The following DPYD variants were observed in gnomAD, a reference collection of about 807,000 sequenced individuals.
DPYD encodes the protein dihydropyrimidine dehydrogenase.
In DPYD, 109 loss-of-function variants were observed where a neutral mutation model predicts 116.2. The observed-to-expected ratio is 0.94, with a 90% CI of 0.80 to 1.10. DPYD has a LOEUF of 1.10. Ranked by LOEUF, DPYD falls within the 50% of genes least tolerant of loss-of-function variation. The probability of loss-of-function intolerance (pLI) is 0.00; values close to 1 mark genes in which losing one functional copy is unlikely to be tolerated. For missense variants in DPYD, 1,302 were observed against 1,254.5 expected, an observed-to-expected ratio of 1.04 and a Z score of -0.57; for synonymous variants, 440 against 432.0, an observed-to-expected ratio of 1.02 and a Z score of -0.23.
At chr1:97,802,146 C>A (rs937600889) in intron 3 of DPYD, among the ~76,000 whole-genome samples, 2 of 151,888 alleles carry the variant, frequency 1.3e-5, no homozygotes, top group African/African-American at 4.8e-5. Context: ...GTTCAGACTA[C>A]ATATTCAAAA....
intron 16 of DPYD, among the ~76,000 whole-genome samples, chr1:97,372,144 G>C (rs1671343403): frequency 6.6e-6 from 1 of 152,186 alleles, no homozygotes; most frequent in Non-Finnish European, 1.5e-5. Flanking sequence ...TGTGGTAAGA[G>C]AGAAATATTG....
At chr1:97,816,677 A>G (rs1030847794) in intron 3 of DPYD, among the ~76,000 whole-genome samples, 2 of 152,172 alleles carry the variant, frequency 1.3e-5, no homozygotes, top group South Asian at 4.1e-4. Flanking sequence ...ATAAAACATA[A>G]ACATGAATAA....
intron 19 of DPYD, among the ~76,000 whole-genome samples, chr1:97,225,560 GTTT>G (rs59058167): frequency 1.7e-4 from 20 of 115,744 alleles, no homozygotes; most frequent in Non-Finnish European, 2.7e-4. Flanking sequence ...AAATCAGGTT[GTTT>G]TTTTTTTTTT....
chr1:97,890,110 G>A (rs72734079), intron 1 of DPYD, among the ~76,000 whole-genome samples: 154 of 152,006 alleles, frequency 1.0e-3, no homozygotes, highest in Non-Finnish European at 1.9e-3. Flanking sequence ...TCAGGCTGGC[G>A]GATTAGGGAG....
At chr1:97,607,414 AGT>A (rs1655666943) in intron 8 of DPYD, among the ~76,000 whole-genome samples, 1 of 151,870 alleles carries the variant, frequency 6.6e-6, no homozygotes, top group African/African-American at 2.4e-5. Flanking sequence ...CTAAGGGAAG[AGT>A]GTTGTTCCTT....
intron 8 of DPYD, among the ~76,000 whole-genome samples, chr1:97,647,110 C>T (rs192077069): frequency 0.012 from 1,805 of 152,150 alleles, 15 homozygotes; most frequent in Admixed American, 0.018. Context: ...TAAATTACAT[C>T]AGAATATACC....
chr1:97,762,834 A>G (rs1226727294), intron 3 of DPYD, among the ~76,000 whole-genome samples: 2 of 152,130 alleles, frequency 1.3e-5, no homozygotes, highest in Non-Finnish European at 2.9e-5. Context: ...TAGAAATAGC[A>G]GTCTCTTAAA....
At chr1:97,247,702 G>A (rs577520614) in intron 18 of DPYD, among the ~76,000 whole-genome samples, 3 of 151,952 alleles carry the variant, frequency 2.0e-5, no homozygotes, top group Non-Finnish European at 4.4e-5. Flanking sequence ...AAATATAAAA[G>A]GATAATAATA....
At chr1:97,112,165 A>T (rs866231808) in intron 20 of DPYD, among the ~76,000 whole-genome samples, 5 of 152,238 alleles carry the variant, frequency 3.3e-5, no homozygotes, top group African/African-American at 9.6e-5. Context: ...TTTATTTTTT[A>T]AAAATGTGCT....
intron 3 of DPYD, among the ~76,000 whole-genome samples, chr1:97,765,651 T>C (rs1380283803): frequency 6.6e-6 from 1 of 152,210 alleles, no homozygotes; most frequent in Non-Finnish European, 1.5e-5. Flanking sequence ...CCTGCAGGAC[T>C]GTCCACCTCA....
In DPYD at chr1:97,523,411, T is replaced by C. The variant is rs79352052; in HGVS notation, c.1525-7470A>G. ...TACAATAAAATTTCTAAAAATTAAC[T>C]CCATGACAAGTATAGACCATCAGGA... On this transcript the variant is annotated intron_variant, in intron 12 of 22. Transcript: ENST00000370192. Among the ~76,000 whole-genome samples, 255 of 152,266 alleles carry C rather than the reference T, an allele frequency of 1.7e-3. 6 individuals are homozygous for C. The East Asian group carries it at 0.039, about 23-fold the overall frequency.
intron 18 of DPYD, among the ~76,000 whole-genome samples, chr1:97,301,979 C>T (rs746626477): frequency 1.4e-4 from 22 of 152,020 alleles, no homozygotes; most frequent in South Asian, 6.2e-4. Context: ...TAATGGGTCA[C>T]GCAGTCAAGG....
At chr1:97,604,539 A>G (rs1376511168) in intron 8 of DPYD, among the ~76,000 whole-genome samples, 1 of 151,572 alleles carries the variant, frequency 6.6e-6, no homozygotes, top group Non-Finnish European at 1.5e-5. Flanking sequence ...ACTCTAAGTC[A>G]TTACTGTAAT....
chr1:97,699,340 G>A lies in DPYD; in HGVS notation c.680+11C>T. 1.9e-6 allele frequency: 3 copies of A among 1,610,830 alleles called. No individual in the cohort carries two copies. The highest frequency in any genetic ancestry group is 2.5e-6 in the Non-Finnish European group (3 of 1,177,180). ...CTGACACTATAAACATGAAATAAAT[G>A]TAGGCATTACCTTAAACCACCAACA... On this transcript the variant is annotated intron_variant, in intron 6 of 22. Transcript: ENST00000370192.
intron 10 of DPYD, among the ~76,000 whole-genome samples, chr1:97,591,714 A>G (rs894008980): frequency 6.6e-6 from 1 of 152,174 alleles, no homozygotes; most frequent in Non-Finnish European, 1.5e-5. Context: ...CTTTTCTAAC[A>G]TTGGAATCAG....
chr1:97,222,888 T>C (rs1189270031), intron 19 of DPYD, among the ~76,000 whole-genome samples: 1 of 152,118 alleles, frequency 6.6e-6, no homozygotes, highest in Non-Finnish European at 1.5e-5. Flanking sequence ...GTATTTTTAC[T>C]ACATTTGTTA....
At chr1:97,367,277 T>C (rs1451782315) in intron 16 of DPYD, among the ~76,000 whole-genome samples, 1 of 151,190 alleles carries the variant, frequency 6.6e-6, no homozygotes, top group Non-Finnish European at 1.5e-5. Flanking sequence ...GCCTCTCTCT[T>C]TTTTTTAAAA....
chr1:97,386,479 T>C (rs946861247), intron 14 of DPYD, among the ~76,000 whole-genome samples: 2 of 152,066 alleles, frequency 1.3e-5, no homozygotes, highest in Non-Finnish European at 2.9e-5. Flanking sequence ...TAAGGCTGGG[T>C]GCCTCACTAA....
intron 8 of DPYD, among the ~76,000 whole-genome samples, chr1:97,676,816 T>C (rs576581528): frequency 4.1e-4 from 63 of 152,272 alleles, no homozygotes; most frequent in Non-Finnish European, 5.7e-4. Flanking sequence ...GACTGAAGCT[T>C]TTCTTTTTGA....
Sources: gnomAD v4.1 joint callset for allele counts (sites outside exome capture counted in the v4.1 genomes callset) on GRCh38, gnomAD v4.1.1 for gene constraint, MANE v1.5 for transcripts, NCBI Gene and HGNC (gene_info 2026-07-23, HGNC 2026-07-21) for gene names.